The following RANBP3 variants were observed in gnomAD, a reference collection of about 807,000 sequenced individuals.
The protein encoded by RANBP3 is ran-binding protein 3.
A neutral mutation model predicts 77.3 loss-of-function variants in RANBP3; 14 were observed. That is an observed-to-expected ratio of 0.18 (90% CI 0.12 to 0.28). The LOEUF (loss-of-function observed/expected upper bound fraction) is 0.28. Ranked by LOEUF, RANBP3 falls within the 10% of genes least tolerant of loss-of-function variation. The pLI is 1.00. For synonymous variants in RANBP3, 315 were observed against 312.4 expected (o/e 1.01, Z -0.09); for missense variants, 586 against 752.3 (o/e 0.78, Z 2.59).
chr19:5,948,968 T>A (rs1288838283), intron 3 of RANBP3, among the ~76,000 whole-genome samples: 1 of 152,190 alleles, frequency 6.6e-6, no homozygotes, highest in Non-Finnish European at 1.5e-5. Context: ...CCAGGAAGTC[T>A]GATATATAGA....
chr19:5,967,787 G>A (rs760652245), intron 1 of RANBP3, among the ~76,000 whole-genome samples: 1 of 152,196 alleles, frequency 6.6e-6, no homozygotes, highest in Non-Finnish European at 1.5e-5. Context: ...TTGGGAGGCC[G>A]AGGCATGTGG....
In RANBP3 at chr19:5,925,828, G is replaced by A; in HGVS notation, c.814-91C>T. On this transcript the variant is annotated intron_variant, in intron 9 of 16. Coordinates refer to ENST00000340578, the MANE Select transcript of RANBP3 (RefSeq NM_007322.3). ...GTCTGCAGACCCCCTGAGCTGCATG[G>A]AGCTGCTCGGAGCCATGAACCCTCT... 5.0e-6 allele frequency: 5 copies of A among 998,126 alleles called. No individual in the cohort carries two copies. In the South Asian group the frequency reaches 6.6e-5, roughly 13 times the overall value. The allele number at this position is 998,126 out of a possible 1,614,324, so 61.8% of individuals were successfully genotyped here.
At position 5,941,817 on chromosome 19, in the gene RANBP3, T is replaced by C; in HGVS notation, c.301A>G (p.Ser101Gly). 6.2e-7 allele frequency: 1 copy of C among 1,612,200 alleles called. No homozygotes were observed. Among genetic ancestry groups the C allele is most frequent in the Non-Finnish European group, 8.5e-7 (1 of 1,180,014 alleles). Residue 101 changes from serine (S) to glycine (G), a missense_variant, in exon 4 of 17, where the codon AGT (serine) becomes GGT (glycine). Physicochemically the swap from Ser to Gly is moderately conservative, Grantham distance 56. Coordinates refer to ENST00000340578, the MANE Select transcript of RANBP3 (RefSeq NM_007322.3). ...ELAGRSAGGS[S>G]PEGGEDSDRE... ...TCCTTACCTTCTCCGCCTTCAGGAC[T>C]GGAGCCGCCAGCTGACCTCTGAAAC...
intron 13 of RANBP3, among the ~76,000 whole-genome samples, chr19:5,922,163 A>G (rs1434452709): frequency 6.6e-6 from 1 of 152,156 alleles, no homozygotes; most frequent in Non-Finnish European, 1.5e-5. Flanking sequence ...CTGTGAATAT[A>G]CTAGAAACCA....
rs1384918233 is a variant in RANBP3 at position 5,952,479 on chromosome 19, A to G, written c.79-883T>C. ...TGAGAGCTCTGTGGCCGTAACTCCAAGACTTTTCTTGAGAAATGGGTTAAA... is the reference window on the plus strand; with the variant it reads ...TGAGAGCTCTGTGGCCGTAACTCCAGGACTTTTCTTGAGAAATGGGTTAAA... On this transcript the variant is annotated intron_variant, in intron 2 of 16. Coordinates refer to ENST00000340578, the MANE Select transcript of RANBP3 (RefSeq NM_007322.3). The surrounding 1 kb of genome is among the most constrained non-coding windows in gnomAD (Gnocchi z 4.1). Among the ~76,000 whole-genome samples the G allele has an allele frequency of 6.6e-6, 1 of 152,130 alleles. No individual in the cohort carries two copies. The highest frequency in any genetic ancestry group is 1.9e-4 in the East Asian group (1 of 5,160).
At chr19:5,968,839 T>C (rs2058498045) in intron 1 of RANBP3, among the ~76,000 whole-genome samples, 1 of 152,162 alleles carries the variant, frequency 6.6e-6, no homozygotes, top group South Asian at 2.1e-4. Context: ...AGGAAAGAAA[T>C]GGCAGACAAG....
chr19:5,948,963 A>G (rs894435015), intron 3 of RANBP3, among the ~76,000 whole-genome samples: 4 of 152,202 alleles, frequency 2.6e-5, no homozygotes, highest in Non-Finnish European at 5.9e-5. Context: ...GAAAGCCAGG[A>G]AGTCTGATAT....
At position 5,921,240 on chromosome 19, in the gene RANBP3, T is replaced by C. The variant is rs1371332943; in HGVS notation, c.1291A>G (p.Met431Val). ...AGTGTGCCGTCATCGGTGGACGCCA[T>C]GTCATTGAGTCTGAGCAGCCCCCGG... The part of the protein sequence containing the change: ...RGRGLLRLND[M>V]ASTDDGTLQS... The change falls in exon 14 of 17, where the codon ATG becomes GTG. Residue 431 changes from methionine (M) to valine (V), a missense_variant. This residue lies in a region of RANBP3 where 51 missense variants were observed against 123.2 expected (regional missense o/e 0.41). Coordinates refer to ENST00000340578, the MANE Select transcript of RANBP3 (RefSeq NM_007322.3). The surrounding 1 kb of genome is among the most constrained non-coding windows in gnomAD (Gnocchi z 5.3). 1 of 1,613,280 alleles carries C rather than the reference T, an allele frequency of 6.2e-7. No individual in the cohort carries two copies. Among genetic ancestry groups the C allele is most frequent in the Non-Finnish European group, 8.5e-7 (1 of 1,179,918 alleles).
At chr19:5,918,706 A>T in intron 14 of RANBP3, 68 bp from the exon 15 acceptor site, 3 of 1,566,960 alleles carry the variant, frequency 1.9e-6, no homozygotes, top group Non-Finnish European at 2.6e-6. Flanking sequence ...CAGCTCCAAG[A>T]GCCAACACAG....
intron 1 of RANBP3, among the ~76,000 whole-genome samples, chr19:5,975,239 T>C (rs1236431020): frequency 6.6e-6 from 1 of 152,156 alleles, no homozygotes; most frequent in Non-Finnish European, 1.5e-5. Flanking sequence ...CACCAAGATT[T>C]GATTTCCTGA....
At chr19:5,945,893 C>T (rs2058198132) in intron 3 of RANBP3, among the ~76,000 whole-genome samples, 1 of 152,014 alleles carries the variant, frequency 6.6e-6, no homozygotes, top group African/African-American at 2.4e-5. Flanking sequence ...CTGCACTCAT[C>T]CTCCCCTTCA....
At chr19:5,925,313 CCTGCTCTGTT>C (rs2057889398) in intron 10 of RANBP3, 1 of 506,026 alleles carries the variant, frequency 2.0e-6, no homozygotes, top group Admixed American at 3.3e-5. Flanking sequence ...TCGCCTCTGG[CCTGCTCTGTT>C]CTGCTCTGGG....
chr19:5,928,950 G>C (rs376861401), intron 8 of RANBP3, among the ~76,000 whole-genome samples: 6 of 152,316 alleles, frequency 3.9e-5, no homozygotes, highest in East Asian at 1.9e-4. Context: ...GATGTGTACA[G>C]TGGACATGAA....
intron 2 of RANBP3, among the ~76,000 whole-genome samples, chr19:5,954,075 C>T (rs377153108): frequency 5.9e-5 from 9 of 152,196 alleles, no homozygotes; most frequent in African/African-American, 1.9e-4. Flanking sequence ...AAAAATTCCT[C>T]GGCTGGCAGC....
In RANBP3 at chr19:5,958,298, T is replaced by G. The variant is rs749774944; in HGVS notation, c.23-325A>C. Among the ~76,000 whole-genome samples the G allele has an allele frequency of 6.6e-6, 1 of 152,210 alleles. No homozygotes were observed. Among genetic ancestry groups the G allele is most frequent in the Non-Finnish European group, 1.5e-5 (1 of 68,034 alleles). On this transcript the variant is annotated intron_variant, in intron 1 of 16. Coordinates refer to ENST00000340578, the MANE Select transcript of RANBP3 (RefSeq NM_007322.3). This position sits in a 1 kb window ranked among gnomAD's most constrained non-coding sequence, Gnocchi z 4.4. ...AGTGTGGCAGCGCTATTTGGCGCCATGAACTGTGACCTTGCAGGAATGTGG... is the reference window on the plus strand; with the variant it reads ...AGTGTGGCAGCGCTATTTGGCGCCAGGAACTGTGACCTTGCAGGAATGTGG...
At chr19:5,976,613 G>T (rs1300776147) in intron 1 of RANBP3, 2 of 152,164 alleles carry the variant, frequency 1.3e-5, no homozygotes, top group Non-Finnish European at 2.9e-5. Context: ...GTGTGGTGGT[G>T]CGCGCCTGTA....
chr19:5,953,785 C>T lies in RANBP3; in HGVS notation c.79-2189G>A, dbSNP rs574865924. On this transcript the variant is annotated intron_variant, in intron 2 of 16. Coordinates refer to ENST00000340578, the MANE Select transcript of RANBP3 (RefSeq NM_007322.3). ...ACGCAGGCGTTTCGATGAGACAGCA[C>T]GCCCCTCCCCAGGAAGCGCAGGCAT... 1.1e-4 allele frequency among the ~76,000 whole-genome samples: 16 copies of T among 152,312 alleles called. No homozygotes were observed. The South Asian group carries it at 3.1e-3, about 30-fold the overall frequency.
chr19:5,948,422 C>T (rs890590403), intron 3 of RANBP3, among the ~76,000 whole-genome samples: 5 of 150,446 alleles, frequency 3.3e-5, no homozygotes, highest in Admixed American at 1.3e-4. Flanking sequence ...CACTGCACTC[C>T]AGCCTGGGCG....
At position 5,918,461 on chromosome 19, in the gene RANBP3, G is replaced by A. The variant is rs780084218; in HGVS notation, c.1473+35C>T. 3.2e-6 allele frequency: 5 copies of A among 1,568,072 alleles called. No homozygotes were observed. The South Asian group carries it at 4.6e-5, about 14-fold the overall frequency. On this transcript the variant is annotated intron_variant, in intron 15 of 16. Transcript: ENST00000340578. ...GGAACCCCCACAGGGCTGGCAGGAT[G>A]AGGGGTCCCAGATGCACCCGCGTGG...
Sources: gnomAD v4.1 joint callset for allele counts (sites outside exome capture counted in the v4.1 genomes callset) on GRCh38, gnomAD v4.1.1 for gene constraint, gnomAD v4.1.1 regional missense constraint, Gnocchi (gnomAD v3.1) non-coding constraint, MANE v1.5 for transcripts, NCBI Gene and HGNC (gene_info 2026-07-23, HGNC 2026-07-21) for gene names.